The following PACRG variants were observed in gnomAD, a reference collection of about 807,000 sequenced individuals.
The protein encoded by PACRG is parkin coregulated, also known as parkin coregulated gene protein.
A neutral mutation model predicts 29.7 loss-of-function variants in PACRG; 29 were observed. The ratio of observed to expected loss-of-function variants is 0.98; its 90% confidence interval spans 0.73 to 1.33. PACRG has a LOEUF of 1.33. Among genes scored for constraint, PACRG ranks in the 40% most tolerant of loss-of-function variants. The probability of loss-of-function intolerance (pLI) is 0.00; values close to 1 mark genes in which losing one functional copy is unlikely to be tolerated. For missense variants in PACRG, 279 were observed against 316.2 expected (o/e 0.88, Z 0.89); for synonymous variants, 116 against 118.7 (o/e 0.98, Z 0.15).
intron 1 of PACRG, among the ~76,000 whole-genome samples, chr6:162,799,469 T>C (rs1256404178): frequency 6.6e-6 from 1 of 152,152 alleles, no homozygotes; most frequent in East Asian, 1.9e-4. Flanking sequence ...TTGTAGTAAG[T>C]GTGCTTTATG....
intron 2 of PACRG, among the ~76,000 whole-genome samples, chr6:163,042,135 G>A (rs145966300): frequency 4.4e-4 from 67 of 152,310 alleles, no homozygotes; most frequent in Non-Finnish European, 7.8e-4. Flanking sequence ...AAAGTGCTGG[G>A]ATTACAGGCT....
chr6:162,824,661 A>T (rs568521401), intron 2 of PACRG, among the ~76,000 whole-genome samples: 88 of 152,318 alleles, frequency 5.8e-4, no homozygotes, highest in Admixed American at 1.4e-3. Flanking sequence ...GCAGAGAAGT[A>T]ATGTGATCTC....
chr6:162,995,482 C>G (rs550516041), intron 2 of PACRG, among the ~76,000 whole-genome samples: 8 of 152,280 alleles, frequency 5.3e-5, no homozygotes, highest in East Asian at 3.9e-4. Context: ...GCGCAGTATT[C>G]GGGTGGGAGT....
intron 4 of PACRG, among the ~76,000 whole-genome samples, chr6:163,234,448 T>C (rs1424419504): frequency 6.6e-6 from 1 of 152,180 alleles, no homozygotes; most frequent in African/African-American, 2.4e-5. Flanking sequence ...TCTTCCACAA[T>C]AAATGGAAGC....
intron 1 of PACRG, among the ~76,000 whole-genome samples, chr6:162,785,763 G>A (rs1158896554): frequency 1.3e-5 from 2 of 152,220 alleles, no homozygotes; most frequent in South Asian, 2.1e-4. Context: ...GAGCTCAGGC[G>A]GTAATGCTGG....
Position 162,750,409 on chromosome 6 carries a change from G to A in PACRG, c.156+22018G>A, listed in dbSNP as rs541471327. 2.6e-5 allele frequency among the ~76,000 whole-genome samples: 4 copies of A among 152,092 alleles called. No individual in the cohort carries two copies. In the South Asian group the frequency reaches 8.3e-4, roughly 32 times the overall value. On this transcript the variant is annotated intron_variant, in intron 1 of 4. Transcript: ENST00000366888. ...CATTTTACTCATTAAAATTATTCTA[G>A]GATCATAAGTTAGACCATGTATTCC...
chr6:163,120,605 C>T (rs1281575584), intron 4 of PACRG, among the ~76,000 whole-genome samples: 1 of 152,102 alleles, frequency 6.6e-6, no homozygotes. Flanking sequence ...TAAGTGCCTA[C>T]TATGTGCAAG....
intron 1 of PACRG, among the ~76,000 whole-genome samples, chr6:162,812,150 G>A (rs1786925681): frequency 6.6e-6 from 1 of 152,116 alleles, no homozygotes. Context: ...TGGTAGAAAT[G>A]TTCTTGTCTG....
chr6:163,291,513 C>T (rs1472733032), intron 4 of PACRG, among the ~76,000 whole-genome samples: 3 of 152,270 alleles, frequency 2.0e-5, no homozygotes, highest in African/African-American at 7.2e-5. Flanking sequence ...CCGGATGCAA[C>T]TATGGGCCCG....
chr6:162,834,898 G>A (rs1475272564), intron 2 of PACRG, among the ~76,000 whole-genome samples: 1 of 151,840 alleles, frequency 6.6e-6, no homozygotes, highest in East Asian at 1.9e-4. Flanking sequence ...GAAACCAAAG[G>A]GGTTTTCCTG....
At chr6:163,011,037 C>G (rs1330969873) in intron 2 of PACRG, among the ~76,000 whole-genome samples, 1 of 149,648 alleles carries the variant, frequency 6.7e-6, no homozygotes, top group Non-Finnish European at 1.5e-5. Flanking sequence ...AAGGGAGAAG[C>G]TGTGCCAGAT....
chr6:163,164,740 T>C (rs1314942577), intron 4 of PACRG, among the ~76,000 whole-genome samples: 1 of 152,174 alleles, frequency 6.6e-6, no homozygotes, highest in African/African-American at 2.4e-5. Context: ...ATTCCAAACA[T>C]TGTGAACTAG....
intron 2 of PACRG, among the ~76,000 whole-genome samples, chr6:162,934,851 T>A (rs1300596749): frequency 6.6e-6 from 1 of 152,192 alleles, no homozygotes; most frequent in Non-Finnish European, 1.5e-5. Context: ...CCTTAAACAT[T>A]TCTTGTAGCA....
rs1554313269 is a variant in PACRG at position 162,947,608 on chromosome 6, A to ATT, written c.292-114542_292-114541insTT. ...CATATATATAATCATATATATATAT[A>ATT]ATCATATATATATATATATATATAT... On this transcript the variant is annotated intron_variant, in intron 2 of 4. Coordinates refer to ENST00000366888, the MANE Select transcript of PACRG (RefSeq NM_001080379.2). Among the ~76,000 whole-genome samples, 5 of 66,336 alleles carry ATT rather than the reference A, an allele frequency of 7.5e-5. 1 individual carries two copies. Among genetic ancestry groups the ATT allele is most frequent in the Non-Finnish European group, 1.3e-4 (5 of 37,144 alleles). 43.5% of individuals were successfully genotyped at this position (66,336 alleles called of 152,430 possible).
chr6:163,096,212 A>C (rs1814569160), intron 4 of PACRG, among the ~76,000 whole-genome samples: 1 of 152,172 alleles, frequency 6.6e-6, no homozygotes, highest in Non-Finnish European at 1.5e-5. Flanking sequence ...TCACACTTCC[A>C]ACAGCTCTGG....
rs149880622 is a variant in PACRG, at chr6:163,105,882, A to T, written c.613+16474A>T. 3.3e-3 allele frequency among the ~76,000 whole-genome samples: 500 copies of T among 152,294 alleles called. 1 individual carries two copies. Among genetic ancestry groups the T allele is most frequent in the Non-Finnish European group, 5.8e-3 (396 of 67,974 alleles). On this transcript the variant is annotated intron_variant, in intron 4 of 4. Coordinates refer to ENST00000366888, the MANE Select transcript of PACRG (RefSeq NM_001080379.2). The stretch of plus-strand genomic sequence containing the variant: ...GTAAATCTCAGAGAGTTGTTCTTCC[A>T]GTCACATTGCTGGAGTAGAGATTTA...
chr6:162,734,578 T>A (rs1780018751), intron 1 of PACRG, among the ~76,000 whole-genome samples: 1 of 152,190 alleles, frequency 6.6e-6, no homozygotes, highest in Non-Finnish European at 1.5e-5. Context: ...ATTTATTCTT[T>A]CATATATAAT....
intron 4 of PACRG, chr6:163,165,548 AC>A (rs1778759974): frequency 5.1e-5 from 8 of 155,780 alleles, no homozygotes; most frequent in Admixed American, 4.4e-4. Flanking sequence ...CCCTGTGGAG[AC>A]CCCTGTCTCA....
At chr6:163,127,390 T>C (rs1479670692) in intron 4 of PACRG, among the ~76,000 whole-genome samples, 3 of 152,242 alleles carry the variant, frequency 2.0e-5, no homozygotes, top group East Asian at 3.8e-4. Context: ...GGGTATTTTG[T>C]CAGTTAATAT....
Sources: gnomAD v4.1 joint callset for allele counts (sites outside exome capture counted in the v4.1 genomes callset) on GRCh38, gnomAD v4.1.1 for gene constraint, MANE v1.5 for transcripts, NCBI Gene and HGNC (gene_info 2026-07-23, HGNC 2026-07-21) for gene names.